The following ANO1 variants were observed in gnomAD, a reference collection of about 807,000 sequenced individuals.
ANO1 encodes the protein anoctamin-1.
A neutral mutation model predicts 124.0 loss-of-function variants in ANO1; 59 were observed. The observed-to-expected ratio is 0.48, with a 90% confidence interval of 0.39 to 0.59. The LOEUF is 0.59. Ranked by LOEUF, ANO1 falls within the 20% of genes least tolerant of loss-of-function variation. ANO1 has a pLI of 0.00. For synonymous variants in ANO1, 529 were observed against 532.0 expected (o/e 0.99, Z 0.08); for missense variants, 1,059 against 1,328.0 (o/e 0.80, Z 3.15).
Position 70,104,225 on chromosome 11 carries a change from AGATT to A in ANO1, c.692+80_692+83del, listed in dbSNP as rs538051159. The A allele has an allele frequency of 6.4e-4, 934 of 1,463,084 alleles. 9 individuals carry two copies. The African/African-American group carries it at 0.012, about 19-fold the overall frequency. The allele number at this position is 1,463,084 out of a possible 1,614,324, so 90.6% of individuals were successfully genotyped here. A position where few individuals can be genotyped will look rare whatever the true frequency, so the allele number is the denominator to read the frequency against. The stretch of plus-strand genomic sequence containing the variant: ...TTTAACCTTCTAGCATGAGAAATGC[AGATT>A]GATTATCTGTCCCCCAAAGAAGAGC... On this transcript the variant is annotated intron_variant, in intron 4 of 25. Coordinates refer to ENST00000355303, the MANE Select transcript of ANO1 (RefSeq NM_018043.7).
intron 1 of ANO1, among the ~76,000 whole-genome samples, chr11:70,025,067 C>T (rs528759575): frequency 6.6e-6 from 1 of 152,182 alleles, no homozygotes; most frequent in Non-Finnish European, 1.5e-5. Flanking sequence ...AAAATAAAAG[C>T]CTTCCATGGC....
At chr11:70,164,307 G>A (rs2048169871) in intron 19 of ANO1, among the ~76,000 whole-genome samples, 1 of 152,176 alleles carries the variant, frequency 6.6e-6, no homozygotes, top group Non-Finnish European at 1.5e-5. Context: ...TCGAGGATGG[G>A]GTGGACATCA....
At chr11:70,104,223 G>T in intron 4 of ANO1, 73 bp downstream of exon 4, 1 of 1,470,070 alleles carries the variant, frequency 6.8e-7, no homozygotes, top group Non-Finnish European at 9.1e-7. Flanking sequence ...CATGAGAAAT[G>T]CAGATTGATT....
chr11:69,977,435 C>T, the ANO1 span, among the ~76,000 whole-genome samples: 2,916 of 152,316 alleles, frequency 0.019, 190 homozygotes, highest in East Asian at 0.23. Context: ...GGCGTGCTGC[C>T]GACAGAGCAG....
intron 11 of ANO1, among the ~76,000 whole-genome samples, chr11:70,132,477 G>A (rs1372139109): frequency 1.3e-5 from 2 of 152,166 alleles, no homozygotes; most frequent in African/African-American, 4.8e-5. Context: ...AGGTCCCGGA[G>A]GCACCGTGTC....
At chr11:70,138,690 G>A (rs771886370) in intron 11 of ANO1, among the ~76,000 whole-genome samples, 1 of 151,984 alleles carries the variant, frequency 6.6e-6, no homozygotes, top group Non-Finnish European at 1.5e-5. Flanking sequence ...ACTTACACCC[G>A]CTCGTAAGCA....
chr11:70,152,264 G>A (rs2047630832), intron 12 of ANO1, among the ~76,000 whole-genome samples, 186 bp from the exon 13 acceptor site: 1 of 150,140 alleles, frequency 6.7e-6, no homozygotes, highest in Non-Finnish European at 1.5e-5. Flanking sequence ...GAACCCGGGA[G>A]GCAGAGCTTG....
At chr11:69,987,764 G>T (rs1233471961) in intron 1 of ANO1, among the ~76,000 whole-genome samples, 6 of 152,174 alleles carry the variant, frequency 3.9e-5, no homozygotes, top group Admixed American at 3.9e-4. Flanking sequence ...GTGCATGAGG[G>T]TGTACTCTGG....
chr11:70,039,216 C>T (rs572529028), intron 1 of ANO1, among the ~76,000 whole-genome samples: 44 of 152,208 alleles, frequency 2.9e-4, no homozygotes, highest in Admixed American at 7.2e-4. Context: ...CCTGATAGTC[C>T]TTTAGGACTC....
intron 1 of ANO1, among the ~76,000 whole-genome samples, chr11:70,006,121 T>TACCCA (rs1856478103): frequency 6.6e-6 from 1 of 152,178 alleles, no homozygotes; most frequent in Non-Finnish European, 1.5e-5. Context: ...TAAACACACC[T>TACCCA]ACCCAGCTGT....
intron 22 of ANO1, among the ~76,000 whole-genome samples, chr11:70,172,247 G>C (rs978721295): frequency 6.6e-6 from 1 of 152,122 alleles, no homozygotes; most frequent in African/African-American, 2.4e-5. Flanking sequence ...TTTAAGCAGA[G>C]ACAGGGTGAC....
chr11:70,006,550 CTTTCTTTCTTTCT>C (rs1856487289), intron 1 of ANO1, among the ~76,000 whole-genome samples: 1 of 122,232 alleles, frequency 8.2e-6, no homozygotes, highest in African/African-American at 2.8e-5. Flanking sequence ...TTCTTTCTTC[CTTTCTTTCTTTCT>C]TTTCTTTCTT....
intron 4 of ANO1, among the ~76,000 whole-genome samples, 199 bp from the exon 5 acceptor site, chr11:70,105,535 C>T (rs2045488908): frequency 6.6e-6 from 1 of 152,186 alleles, no homozygotes; most frequent in African/African-American, 2.4e-5. Context: ...GGTCTCAGGC[C>T]TCGCCCAGGT....
chr11:70,142,878 G>C (rs1401675280), intron 11 of ANO1, among the ~76,000 whole-genome samples: 1 of 152,130 alleles, frequency 6.6e-6, no homozygotes, highest in African/African-American at 2.4e-5. Flanking sequence ...TCTTCCAAGG[G>C]TACGAATCCC....
At chr11:70,134,420 C>T (rs1024125504) in intron 11 of ANO1, among the ~76,000 whole-genome samples, 5 of 152,220 alleles carry the variant, frequency 3.3e-5, no homozygotes, top group South Asian at 2.1e-4. Context: ...CTCAGACTCC[C>T]GCTCTGCCAG....
At chr11:70,183,224 A>G (rs2048995325) in intron 24 of ANO1, among the ~76,000 whole-genome samples, 1 of 152,224 alleles carries the variant, frequency 6.6e-6, no homozygotes, top group African/African-American at 2.4e-5. Flanking sequence ...ACAGTTTGCC[A>G]TCAGGCTCCA....
intron 4 of ANO1, among the ~76,000 whole-genome samples, chr11:70,104,764 A>G (rs2084003800): frequency 6.6e-6 from 1 of 152,068 alleles, no homozygotes; most frequent in Non-Finnish European, 1.5e-5. Context: ...GAGTCATGGG[A>G]ACCCAGAGGG....
intron 5 of ANO1, 54 bp downstream of exon 5, chr11:70,105,842 C>A: frequency 6.4e-7 from 1 of 1,555,928 alleles, no homozygotes; most frequent in Non-Finnish European, 8.9e-7. Context: ...CCCTGGGGAT[C>A]CAGATGATAA....
At chr11:69,977,321 G>A in the ANO1 span, among the ~76,000 whole-genome samples, 11 of 152,352 alleles carry the variant, frequency 7.2e-5, no homozygotes, top group Admixed American at 2.0e-4. Flanking sequence ...TAGTCCATAT[G>A]CTGTAAGCAC....
Sources: allele counts gnomAD v4.1 joint callset (sites outside exome capture counted in the v4.1 genomes callset), GRCh38; gene constraint gnomAD v4.1.1; transcripts MANE v1.5; gene names NCBI Gene and HGNC (gene_info 2026-07-23, HGNC 2026-07-21).